Variants in C8orf34 observed in about 807,000 individuals in gnomAD.
C8orf34 encodes the protein uncharacterized protein C8orf34.
In C8orf34, 65 loss-of-function variants were observed where a neutral mutation model predicts 68.3. That is an observed-to-expected ratio of 0.95 (90% CI 0.78 to 1.17). The LOEUF (loss-of-function observed/expected upper bound fraction) is 1.17, where lower values mean the gene tolerates loss of function less well. C8orf34 is among the 50% of genes most tolerant of loss of function. The pLI, the probability that C8orf34 is intolerant of heterozygous loss-of-function variation, is 0.00. For missense variants in C8orf34, 664 were observed against 655.4 expected, an observed-to-expected ratio of 1.01 and a Z score of -0.14; for synonymous variants, 244 against 241.2, an observed-to-expected ratio of 1.01 and a Z score of -0.11.
intron 1 of C8orf34, among the ~76,000 whole-genome samples, chr8:68,408,205 T>G (rs923616902): frequency 6.6e-6 from 1 of 151,680 alleles, no homozygotes; most frequent in Non-Finnish European, 1.5e-5. Flanking sequence ...ATGCTCCTTA[T>G]GAGAATCTAA....
chr8:68,751,176 C>T (rs1161459485), intron 10 of C8orf34, among the ~76,000 whole-genome samples: 1 of 152,134 alleles, frequency 6.6e-6, no homozygotes, highest in Non-Finnish European at 1.5e-5. Flanking sequence ...CGCTAGTGGA[C>T]CCCTGGGTAA....
chr8:68,540,765 C>A (rs1310807219), intron 7 of C8orf34, among the ~76,000 whole-genome samples: 1 of 152,026 alleles, frequency 6.6e-6, no homozygotes, highest in Non-Finnish European at 1.5e-5. Flanking sequence ...TTGCTTGAAC[C>A]CAGGAGGCGG....
At chr8:68,561,016 C>A (rs1157292293) in intron 7 of C8orf34, among the ~76,000 whole-genome samples, 1 of 148,410 alleles carries the variant, frequency 6.7e-6, no homozygotes, top group Non-Finnish European at 1.5e-5. Flanking sequence ...CACTCTGTCT[C>A]CCAGGCTGGG....
intron 1 of C8orf34, among the ~76,000 whole-genome samples, chr8:68,343,479 A>C (rs1806155349): frequency 6.6e-6 from 1 of 152,120 alleles, no homozygotes; most frequent in African/African-American, 2.4e-5. Context: ...GTTGGAGTGC[A>C]GTGGCATGAT....
At chr8:68,533,175 C>T (rs1480726028) in intron 7 of C8orf34, 26 bp downstream of exon 7, 6 of 1,547,092 alleles carry the variant, frequency 3.9e-6, no homozygotes, top group South Asian at 1.3e-5. Flanking sequence ...AATAATTTCT[C>T]ATTTTCTTCT....
intron 12 of C8orf34, among the ~76,000 whole-genome samples, chr8:68,813,553 C>T (rs151046048): frequency 2.9e-4 from 44 of 152,154 alleles, no homozygotes; most frequent in African/African-American, 9.9e-4. Flanking sequence ...TAATACTTTA[C>T]ATGCTTTTTT....
chr8:68,664,698 T>C (rs765441541), intron 8 of C8orf34, among the ~76,000 whole-genome samples: 1 of 152,154 alleles, frequency 6.6e-6, no homozygotes, highest in Non-Finnish European at 1.5e-5. Context: ...TTTAATCAGA[T>C]GCCCCTTCCT....
chr8:68,691,423 G>A (rs182485265), intron 8 of C8orf34, among the ~76,000 whole-genome samples: 1 of 152,106 alleles, frequency 6.6e-6, no homozygotes, highest in East Asian at 1.9e-4. Flanking sequence ...TACAATTTTT[G>A]TGACTACCTT....
At chr8:68,358,983 A>T (rs1200742734) in intron 1 of C8orf34, among the ~76,000 whole-genome samples, 2 of 152,024 alleles carry the variant, frequency 1.3e-5, no homozygotes, top group African/African-American at 4.8e-5. Context: ...ATAGGCGTGC[A>T]CTCCCACAAC....
chr8:68,395,022 C>T (rs189592265), intron 1 of C8orf34, among the ~76,000 whole-genome samples: 195 of 152,084 alleles, frequency 1.3e-3, no homozygotes, highest in African/African-American at 4.6e-3. Flanking sequence ...ATTTTGGCAG[C>T]TTTGGAAGGA....
Position 68,567,577 on chromosome 8 carries a change from C to CTTTTTTTTTTT in C8orf34, c.1105+34453_1105+34463dup, listed in dbSNP as rs1160845483. Among the ~76,000 whole-genome samples, 12 of 29,792 alleles carry CTTTTTTTTTTT rather than the reference C, an allele frequency of 4.0e-4. 3 individuals are homozygous for CTTTTTTTTTTT. Among genetic ancestry groups the CTTTTTTTTTTT allele is most frequent in the Non-Finnish European group, 6.0e-4 (10 of 16,684 alleles). The allele number at this position is 29,792 out of a possible 152,430, so 19.5% of individuals were successfully genotyped here. On this transcript the variant is annotated intron_variant, in intron 7 of 13. Coordinates refer to ENST00000518698, the MANE Select transcript of C8orf34 (RefSeq NM_052958.4). ...TCTTTTCAAATTTTGTTTCATTTAT[C>CTTTTTTTTTTT]TTTTTTTTTTTTTTTTTTTTTTTTT...
Position 68,468,729 on chromosome 8 carries a change from G to C in C8orf34, c.645G>C (p.Arg215Ser), listed in dbSNP as rs763462550. 1 of 1,612,690 alleles carries C rather than the reference G, an allele frequency of 6.2e-7. No individual in the cohort carries two copies. The highest frequency in any genetic ancestry group is 8.5e-7 in the Non-Finnish European group (1 of 1,179,286). ...RSVEHPKWNW[R>S]TKPQSRDFDE... is the part of the protein sequence containing the mutation. ...TAGAGCATCCAAAGTGGAACTGGAG[G>C]ACTAAACCACAAAGCCGTGATTTTG... Residue 215 changes from arginine to serine, a missense_variant, in exon 4 of 14, where the codon AGG (arginine) becomes AGC (serine). Transcript: ENST00000518698.
intron 4 of C8orf34, among the ~76,000 whole-genome samples, chr8:68,470,829 T>A (rs1364356275): frequency 6.6e-6 from 1 of 152,084 alleles, no homozygotes; most frequent in Non-Finnish European, 1.5e-5. Context: ...GGAGCCCACA[T>A]GTCCTAATTA....
At chr8:68,608,097 G>A (rs1215811521) in intron 7 of C8orf34, among the ~76,000 whole-genome samples, 1 of 149,882 alleles carries the variant, frequency 6.7e-6, no homozygotes, top group African/African-American at 2.5e-5. Context: ...TGTGTGCTGG[G>A]CAGAGAAGTA....
intron 1 of C8orf34, among the ~76,000 whole-genome samples, chr8:68,333,572 G>A (rs1419568385): frequency 6.6e-6 from 1 of 152,144 alleles, no homozygotes; most frequent in African/African-American, 2.4e-5. Flanking sequence ...CTAGCGTGTA[G>A]CCTACTTGTT....
intron 4 of C8orf34, among the ~76,000 whole-genome samples, chr8:68,471,925 A>AACACACACACACACACAC (rs10596354): frequency 4.7e-5 from 7 of 147,376 alleles, no homozygotes; most frequent in African/African-American, 1.8e-4. Flanking sequence ...GACTTAAATG[A>AACACACACACACACACAC]ACACACACAC....
chr8:68,465,491 C>A (rs1444235221), intron 3 of C8orf34, among the ~76,000 whole-genome samples: 3 of 151,820 alleles, frequency 2.0e-5, no homozygotes, highest in Non-Finnish European at 2.9e-5. Flanking sequence ...GCTATAAAGA[C>A]ACATGCACAC....
chr8:68,741,333 AT>A (rs1353393448), intron 10 of C8orf34, among the ~76,000 whole-genome samples: 2 of 152,142 alleles, frequency 1.3e-5, no homozygotes, highest in Non-Finnish European at 2.9e-5. Flanking sequence ...AATTGTTTAT[AT>A]TTTTGTGGGT....
intron 10 of C8orf34, among the ~76,000 whole-genome samples, chr8:68,744,039 G>T (rs975858142): frequency 3.9e-5 from 6 of 152,156 alleles, no homozygotes; most frequent in African/African-American, 7.2e-5. Context: ...GGAGATCTGA[G>T]AACGGGCAGA....
Sources: gnomAD v4.1 joint callset for allele counts (sites outside exome capture counted in the v4.1 genomes callset) on GRCh38, gnomAD v4.1.1 for gene constraint, MANE v1.5 for transcripts, NCBI Gene and HGNC (gene_info 2026-07-23, HGNC 2026-07-21) for gene names.